TP63: variants seen among roughly 807,000 people sequenced by gnomAD.
TP63 encodes tumor protein 63.
In TP63, 17 loss-of-function variants were observed where a neutral mutation model predicts 82.8. That is an observed-to-expected ratio of 0.21 (90% CI 0.14 to 0.31). The LOEUF (loss-of-function observed/expected upper bound fraction) is 0.31. TP63 is among the 10% of genes least tolerant of loss of function. The probability of loss-of-function intolerance (pLI) is 1.00; values close to 1 mark genes in which losing one functional copy is unlikely to be tolerated. For synonymous variants in TP63, 330 were observed against 321.7 expected (o/e 1.03, Z -0.28); for missense variants, 648 against 895.3 (o/e 0.72, Z 3.52).
intron 1 of TP63, among the ~76,000 whole-genome samples, chr3:189,660,635 C>A (rs1479714758): frequency 1.3e-5 from 2 of 151,972 alleles, no homozygotes; most frequent in African/African-American, 4.8e-5. Context: ...AATGTTGAAT[C>A]TGTAGATTGA....
intron 1 of TP63, among the ~76,000 whole-genome samples, chr3:189,692,448 C>A (rs1438721062): frequency 6.6e-6 from 1 of 151,666 alleles, no homozygotes; most frequent in Non-Finnish European, 1.5e-5. Context: ...CCCTTCCTCC[C>A]TCCCCACTTT....
chr3:189,868,055 T>C (rs1717947857), intron 7 of TP63, 113 bp downstream of exon 7: 4 of 873,046 alleles, frequency 4.6e-6, no homozygotes, highest in Non-Finnish European at 7.5e-6. Context: ...GAGCTTGTCC[T>C]TTGTGCTCTA....
intron 3 of TP63, among the ~76,000 whole-genome samples, chr3:189,776,736 A>C (rs890127963): frequency 6.6e-5 from 10 of 152,196 alleles, no homozygotes; most frequent in African/African-American, 2.4e-4. Flanking sequence ...AGCATCCAGC[A>C]ATTTAAAAAG....
intron 4 of TP63, among the ~76,000 whole-genome samples, chr3:189,817,093 A>G (rs1017848840): frequency 1.3e-5 from 2 of 151,958 alleles, no homozygotes; most frequent in Non-Finnish European, 2.9e-5. Context: ...TAATTGTGTT[A>G]GTACCAACCT....
chr3:189,729,325 C>T (rs1719992846), intron 1 of TP63, among the ~76,000 whole-genome samples: 1 of 152,090 alleles, frequency 6.6e-6, no homozygotes, highest in Non-Finnish European at 1.5e-5. Flanking sequence ...ATATGTAGAA[C>T]TTTAATGGGA....
rs1427851401 is a variant in TP63, at chr3:189,738,746, A to T, written c.296A>T (p.Gln99Leu). The change falls in exon 3 of 14, where the codon CAG (glutamine) becomes CTG (leucine). Residue 99 changes from glutamine (Q) to leucine (L), a missense_variant. Physicochemically the swap from Gln to Leu is moderately radical, Grantham distance 113 (BLOSUM62 -2). Around this residue, in one of 5 missense-constraint regions of TP63, gnomAD observed 182 missense variants for 213.6 expected, o/e 0.85. Transcript: ENST00000264731. Reference sequence around the variant, plus strand: ...ATTAGCATGGACTGTATCCGCATGCAGGACTCGGACCTGAGTGACCCCATG... The same window carrying T: ...ATTAGCATGGACTGTATCCGCATGCTGGACTCGGACCTGAGTGACCCCATG... ...IEISMDCIRM[Q>L]DSDLSDPMWP... 1 of 1,614,026 alleles carries T rather than the reference A, an allele frequency of 6.2e-7. No homozygotes were observed. The highest frequency in any genetic ancestry group is 8.5e-7 in the Non-Finnish European group (1 of 1,180,014).
chr3:189,702,534 A>G lies in TP63; in HGVS notation c.63-35206A>G, dbSNP rs950220237. Among the ~76,000 whole-genome samples, 3 of 152,264 alleles carry G rather than the reference A, an allele frequency of 2.0e-5. 1 individual carries two copies. The South Asian group carries it at 6.2e-4, about 32-fold the overall frequency. ...AGGACTCTGGCTGTGGTGCATTCCA[A>G]ATGTTTCCTCTCCTGCCTGGGTCCC... On this transcript the variant is annotated intron_variant, in intron 1 of 13. Coordinates refer to ENST00000264731, the MANE Select transcript of TP63 (RefSeq NM_003722.5).
At chr3:189,699,856 T>C (rs537092178) in intron 1 of TP63, among the ~76,000 whole-genome samples, 1 of 152,338 alleles carries the variant, frequency 6.6e-6, no homozygotes, top group South Asian at 2.1e-4. Context: ...ATTAAATAGT[T>C]AATGAAGCTT....
At chr3:189,604,463 T>G in the TP63 span, among the ~76,000 whole-genome samples, 5 of 152,186 alleles carry the variant, frequency 3.3e-5, no homozygotes, top group Admixed American at 1.3e-4. Flanking sequence ...AAAATAGAGA[T>G]AGATGTGAGG....
At chr3:189,668,943 G>C (rs1714645452) in intron 1 of TP63, among the ~76,000 whole-genome samples, 1 of 151,332 alleles carries the variant, frequency 6.6e-6, no homozygotes, top group South Asian at 2.1e-4. Flanking sequence ...CAGAAAAAAA[G>C]CAAACAGAAA....
chr3:189,701,010 T>G (rs1717759648), intron 1 of TP63, among the ~76,000 whole-genome samples: 1 of 152,158 alleles, frequency 6.6e-6, no homozygotes, highest in South Asian at 2.1e-4. Flanking sequence ...CCAGAAAATC[T>G]GTGATATGTG....
intron 3 of TP63, among the ~76,000 whole-genome samples, chr3:189,791,652 C>A (rs1422795772): frequency 6.6e-6 from 1 of 152,092 alleles, no homozygotes; most frequent in Non-Finnish European, 1.5e-5. Flanking sequence ...CTTTCTATGT[C>A]TTTTTGCATG....
intron 3 of TP63, among the ~76,000 whole-genome samples, chr3:189,750,458 C>G (rs6444397): frequency 0.99 from 150,188 of 152,312 alleles, 74,123 homozygotes; most frequent in African/African-American, 1. Context: ...TTTCAAAGTA[C>G]ATAAAGGAGA....
chr3:189,609,092 C>T, the TP63 span, among the ~76,000 whole-genome samples: 3 of 152,228 alleles, frequency 2.0e-5, no homozygotes, highest in East Asian at 3.9e-4. Context: ...TCTCTGAATT[C>T]ACAACCGCTG....
intron 1 of TP63, 147 bp downstream of exon 1, chr3:189,631,724 G>C: frequency 2.0e-6 from 3 of 1,536,552 alleles, no homozygotes; most frequent in Non-Finnish European, 2.6e-6. Flanking sequence ...ACTTAAAGTG[G>C]TCTGTGGACA....
At chr3:189,871,671 C>T (rs572869999) in intron 9 of TP63, among the ~76,000 whole-genome samples, 1 of 152,262 alleles carries the variant, frequency 6.6e-6, no homozygotes, top group African/African-American at 2.4e-5. Context: ...TGCAGTTGTG[C>T]TAAGTGCCTC....
chr3:189,884,505 T>A (rs1424389344), intron 10 of TP63, among the ~76,000 whole-genome samples: 2 of 152,208 alleles, frequency 1.3e-5, no homozygotes, highest in Non-Finnish European at 2.9e-5. Context: ...TTTACCCATA[T>A]GTATATTTGG....
intron 8 of TP63, 150 bp downstream of exon 8, chr3:189,868,866 G>A (rs747370522): frequency 4.5e-5 from 55 of 1,226,156 alleles, no homozygotes; most frequent in Non-Finnish European, 6.0e-5. Flanking sequence ...AATAGGTATA[G>A]CATTGAAGTG....
chr3:189,608,399 CT>C, the TP63 span, among the ~76,000 whole-genome samples: 3 of 152,136 alleles, frequency 2.0e-5, no homozygotes, highest in Non-Finnish European at 1.5e-5. Flanking sequence ...AATTCTTCAG[CT>C]CATGCACCAG....
Sources: allele counts gnomAD v4.1 joint callset (sites outside exome capture counted in the v4.1 genomes callset), GRCh38; gene constraint gnomAD v4.1.1; regional missense constraint gnomAD v4.1.1; transcripts MANE v1.5; gene names NCBI Gene and HGNC (gene_info 2026-07-23, HGNC 2026-07-21).